PDE4D: variants seen among roughly 807,000 people sequenced by gnomAD.
PDE4D encodes 3',5'-cyclic-AMP phosphodiesterase 4D.
PDE4D carries 24 observed loss-of-function variants against 87.4 expected under a neutral mutation model. The ratio of observed to expected loss-of-function variants is 0.27; its 90% confidence interval spans 0.20 to 0.39. The LOEUF (loss-of-function observed/expected upper bound fraction) is 0.39. Ranked by LOEUF, PDE4D falls within the 10% of genes least tolerant of loss-of-function variation. The probability of loss-of-function intolerance (pLI) is 1.00; values close to 1 mark genes in which losing one functional copy is unlikely to be tolerated. For missense variants in PDE4D, 714 were observed against 1,041.0 expected (o/e 0.69, Z 4.32); for synonymous variants, 384 against 383.2 (o/e 1.00, Z -0.02).
At chr5:60,000,888 G>A (rs898173588) in intron 2 of PDE4D, among the ~76,000 whole-genome samples, 4 of 152,028 alleles carry the variant, frequency 2.6e-5, no homozygotes, top group Admixed American at 1.3e-4. Flanking sequence ...TCCACTTAGC[G>A]ACCTGTCAGG....
intron 1 of PDE4D, among the ~76,000 whole-genome samples, chr5:59,477,075 A>C (rs1803398348): frequency 6.6e-6 from 1 of 151,962 alleles, no homozygotes. Context: ...CAAGAATTTG[A>C]ATTTCTATTC....
intron 1 of PDE4D, among the ~76,000 whole-genome samples, chr5:59,641,107 C>T (rs779072539): frequency 6.6e-5 from 10 of 152,198 alleles, no homozygotes; most frequent in South Asian, 2.1e-4. Flanking sequence ...TGACTTTCTC[C>T]GGCTTCCTAG....
chr5:60,194,915 A>G (rs1428975901), intron 1 of PDE4D, among the ~76,000 whole-genome samples: 1 of 151,644 alleles, frequency 6.6e-6, no homozygotes, highest in Non-Finnish European at 1.5e-5. Flanking sequence ...TCTCCTTTAC[A>G]TGGTAAGTAG....
chr5:59,598,557 T>G (rs935225665), intron 1 of PDE4D, among the ~76,000 whole-genome samples: 1 of 152,146 alleles, frequency 6.6e-6, no homozygotes, highest in African/African-American at 2.4e-5. Context: ...AGAGGCACAG[T>G]CCATTTGAGA....
chr5:59,279,115 A>T (rs1765350050), intron 1 of PDE4D, among the ~76,000 whole-genome samples: 2 of 152,154 alleles, frequency 1.3e-5, no homozygotes, highest in Admixed American at 1.3e-4. Context: ...TTCAGATTAC[A>T]ATAGATATTC....
At chr5:59,924,156 A>G (rs1320320099) in intron 3 of PDE4D, among the ~76,000 whole-genome samples, 1 of 152,222 alleles carries the variant, frequency 6.6e-6, no homozygotes, top group Non-Finnish European at 1.5e-5. Flanking sequence ...AAGACAGGTT[A>G]TTTGAAAGTA....
intron 1 of PDE4D, among the ~76,000 whole-genome samples, chr5:59,574,004 A>AT (rs2153696824): frequency 8.0e-6 from 1 of 125,276 alleles, no homozygotes; most frequent in East Asian, 2.1e-4. Flanking sequence ...TCTCAAAAAA[A>AT]AATATATATA....
At chr5:60,451,039 T>C (rs901813547) in intron 1 of PDE4D, among the ~76,000 whole-genome samples, 3 of 152,068 alleles carry the variant, frequency 2.0e-5, no homozygotes, top group Non-Finnish European at 4.4e-5. Context: ...TTAAAGATAG[T>C]GCTCTGCATT....
chr5:59,768,513 C>T, intron 1 of PDE4D: 1 of 1,598,108 alleles, frequency 6.3e-7, no homozygotes, highest in Non-Finnish European at 8.5e-7. Context: ...GAGCCATTTT[C>T]CTGGTCAACT....
At chr5:59,828,857 C>T (rs550828695) in intron 1 of PDE4D, among the ~76,000 whole-genome samples, 13 of 152,090 alleles carry the variant, frequency 8.5e-5, no homozygotes, top group East Asian at 1.9e-4. Flanking sequence ...ATTAGAGGAC[C>T]GGCAGGTAGG....
chr5:59,870,149 A>G (rs1013098744), intron 1 of PDE4D, among the ~76,000 whole-genome samples: 3 of 152,238 alleles, frequency 2.0e-5, no homozygotes, highest in African/African-American at 7.2e-5. Context: ...TTTTTCCCTA[A>G]GGAACATTTC....
intron 1 of PDE4D, chr5:59,314,172 T>C (rs1049693716): frequency 6.6e-6 from 1 of 152,142 alleles, no homozygotes; most frequent in African/African-American, 2.4e-5. Context: ...TATTTTTATA[T>C]GGACCTAAAC....
chr5:60,255,270 T>C (rs1169668360), intron 1 of PDE4D, among the ~76,000 whole-genome samples: 1 of 151,900 alleles, frequency 6.6e-6, no homozygotes, highest in Non-Finnish European at 1.5e-5. Flanking sequence ...AGACTACCTA[T>C]GATCCCTTTG....
intron 1 of PDE4D, among the ~76,000 whole-genome samples, chr5:59,679,181 ACT>A (rs1432718465): frequency 1.3e-5 from 2 of 152,198 alleles, no homozygotes; most frequent in Non-Finnish European, 2.9e-5. Flanking sequence ...TATTTTTATA[ACT>A]CTGCAATCAG....
At chr5:59,132,699 T>A (rs1285262083) in intron 5 of PDE4D, among the ~76,000 whole-genome samples, 1 of 152,222 alleles carries the variant, frequency 6.6e-6, no homozygotes, top group Non-Finnish European at 1.5e-5. Flanking sequence ...TTCATGGCCT[T>A]TAAGACATGT....
intron 5 of PDE4D, among the ~76,000 whole-genome samples, chr5:59,157,883 A>G (rs1050564223): frequency 2.0e-5 from 3 of 151,088 alleles, no homozygotes; most frequent in African/African-American, 7.2e-5. Flanking sequence ...CAGGATTTAA[A>G]GAGTTTAGGG....
chr5:59,108,955 A>ATGTGTGTGTGTG (rs57004711), intron 5 of PDE4D, among the ~76,000 whole-genome samples: 103 of 121,894 alleles, frequency 8.4e-4, no homozygotes, highest in Middle Eastern at 4.4e-3. Flanking sequence ...TAGGAACTCA[A>ATGTGTGTGTGTG]TGTGTGTGTG....
intron 2 of PDE4D, among the ~76,000 whole-genome samples, chr5:60,087,524 C>T (rs1774662881): frequency 6.6e-6 from 1 of 151,906 alleles, no homozygotes; most frequent in South Asian, 2.1e-4. Context: ...AATCCAGGAA[C>T]AAAATAAGAA....
chr5:60,147,548 A>G (rs1781120914), intron 2 of PDE4D, among the ~76,000 whole-genome samples: 1 of 152,214 alleles, frequency 6.6e-6, no homozygotes, highest in Non-Finnish European at 1.5e-5. Flanking sequence ...TGTGAATGAG[A>G]TATCTATTTC....
Sources: gnomAD v4.1 joint callset for allele counts (sites outside exome capture counted in the v4.1 genomes callset) on GRCh38, gnomAD v4.1.1 for gene constraint, MANE v1.5 for transcripts, NCBI Gene and HGNC (gene_info 2026-07-23, HGNC 2026-07-21) for gene names.